SPAG16: variants seen among roughly 807,000 people sequenced by gnomAD.
SPAG16 encodes the protein sperm associated antigen 16, also known as sperm-associated antigen 16 protein.
SPAG16 carries 86 observed loss-of-function variants against 80.4 expected under a neutral mutation model. The ratio of observed to expected loss-of-function variants is 1.07; its 90% CI spans 0.90 to 1.28. The LOEUF is 1.28. Among genes scored for constraint, SPAG16 ranks in the 50% most tolerant of loss-of-function variants. SPAG16 has a pLI of 0.00. For missense variants in SPAG16, 870 were observed against 765.3 expected (o/e 1.14, Z -1.61); for synonymous variants, 294 against 265.9 (o/e 1.11, Z -1.03).
At chr2:213,285,558 A>G (rs1380320394) in intron 1 of SPAG16, among the ~76,000 whole-genome samples, 1 of 152,246 alleles carries the variant, frequency 6.6e-6, no homozygotes, top group Non-Finnish European at 1.5e-5. Flanking sequence ...TCCAGGTTTA[A>G]TTCAAGATTT....
At chr2:213,785,702 A>G (rs907090917) in intron 10 of SPAG16, among the ~76,000 whole-genome samples, 5 of 152,174 alleles carry the variant, frequency 3.3e-5, no homozygotes, top group Admixed American at 6.6e-5. Context: ...TAAGAACTTT[A>G]TATCTATATT....
At chr2:214,372,818 T>C (rs978038215) in intron 15 of SPAG16, among the ~76,000 whole-genome samples, 5 of 152,238 alleles carry the variant, frequency 3.3e-5, no homozygotes, top group African/African-American at 9.6e-5. Context: ...CTGCTATCAC[T>C]GTTCACTTCC....
chr2:214,367,003 CT>C lies in SPAG16; in HGVS notation c.1721-43136del, dbSNP rs533108770. Among the ~76,000 whole-genome samples, 37 of 152,244 alleles carry C rather than the reference CT, an allele frequency of 2.4e-4. No homozygotes were observed. The East Asian group carries it at 6.6e-3, about 27-fold the overall frequency. On this transcript the variant is annotated intron_variant, in intron 15 of 15. Transcript: ENST00000331683. ...GTAAGGAAGGAGAGAGCTATATCTA[CT>C]ATTGCTCTTGGCCTCTCTCCAACTG...
At chr2:214,360,114 G>T (rs1370274819) in intron 15 of SPAG16, among the ~76,000 whole-genome samples, 1 of 151,746 alleles carries the variant, frequency 6.6e-6, no homozygotes, top group East Asian at 1.9e-4. Context: ...GTAATATTCT[G>T]GACAGGATAT....
At chr2:213,929,631 A>G (rs961944578) in intron 11 of SPAG16, among the ~76,000 whole-genome samples, 5 of 94,034 alleles carry the variant, frequency 5.3e-5, no homozygotes, top group Admixed American at 2.2e-4. Flanking sequence ...AAGCCCGATC[A>G]TCCAGAGCCT....
At chr2:214,328,958 T>G (rs1245786996) in intron 15 of SPAG16, among the ~76,000 whole-genome samples, 2 of 152,184 alleles carry the variant, frequency 1.3e-5, no homozygotes, top group Non-Finnish European at 2.9e-5. Context: ...CTAGCCTAAA[T>G]TTTTCATTAT....
At chr2:213,688,480 G>T (rs2064791890) in intron 10 of SPAG16, among the ~76,000 whole-genome samples, 1 of 152,166 alleles carries the variant, frequency 6.6e-6, no homozygotes. Context: ...TTCTTTGTCA[G>T]GTAATGTTAC....
At chr2:213,374,551 T>G (rs144383393) in intron 8 of SPAG16, among the ~76,000 whole-genome samples, 1 of 152,072 alleles carries the variant, frequency 6.6e-6, no homozygotes. Flanking sequence ...ACAACTATTT[T>G]GAATATTACC....
intron 11 of SPAG16, among the ~76,000 whole-genome samples, chr2:213,872,190 G>A (rs1387706711): frequency 6.6e-6 from 1 of 152,072 alleles, no homozygotes; most frequent in Non-Finnish European, 1.5e-5. Flanking sequence ...AAGGCAGAAT[G>A]GTCAGAGTAA....
At chr2:214,046,562 A>G (rs1015154706) in intron 13 of SPAG16, among the ~76,000 whole-genome samples, 4 of 152,222 alleles carry the variant, frequency 2.6e-5, no homozygotes, top group Admixed American at 6.5e-5. Context: ...AAATCAATCA[A>G]TGTGATACAT....
intron 15 of SPAG16, among the ~76,000 whole-genome samples, chr2:214,168,148 C>A (rs191221385): frequency 3.3e-5 from 5 of 151,772 alleles, no homozygotes; most frequent in African/African-American, 1.2e-4. Flanking sequence ...CACCACCACA[C>A]CCAGCTAATT....
intron 15 of SPAG16, among the ~76,000 whole-genome samples, chr2:214,155,337 T>A (rs1273142988): frequency 1.3e-5 from 2 of 152,184 alleles, no homozygotes; most frequent in Non-Finnish European, 2.9e-5. Flanking sequence ...AGACAGCAGG[T>A]TGGCAAACTA....
At chr2:213,480,196 A>G (rs1428301659) in intron 9 of SPAG16, among the ~76,000 whole-genome samples, 5 of 152,188 alleles carry the variant, frequency 3.3e-5, no homozygotes, top group Non-Finnish European at 5.9e-5. Flanking sequence ...TTGCCAACCC[A>G]CACAAAGATA....
intron 6 of SPAG16, among the ~76,000 whole-genome samples, chr2:213,344,522 C>T (rs1029726074): frequency 1.3e-5 from 2 of 152,100 alleles, no homozygotes; most frequent in African/African-American, 4.8e-5. Context: ...AATGCTATCC[C>T]TCTCCACTTC....
At chr2:214,179,664 A>T (rs1358827201) in intron 15 of SPAG16, among the ~76,000 whole-genome samples, 1 of 151,462 alleles carries the variant, frequency 6.6e-6, no homozygotes, top group African/African-American at 2.4e-5. Flanking sequence ...CTCTCAATAG[A>T]ATAGATATGA....
chr2:213,932,191 TATATATA>T lies in SPAG16; in HGVS notation c.1400+2047_1400+2053del, dbSNP rs1559602655. ...ATATATATATATATATATATATATATATATATATTTGTTGTTGTTGTTGTTGTTGTTG... is the reference window on the plus strand; with the variant it reads ...ATATATATATATATATATATATATATTTTGTTGTTGTTGTTGTTGTTGTTG... On this transcript the variant is annotated intron_variant, in intron 12 of 15. Transcript: ENST00000331683. Among the ~76,000 whole-genome samples the T allele has an allele frequency of 1.5e-3, 167 of 111,018 alleles. 2 individuals are homozygous for T. Among genetic ancestry groups the T allele is most frequent in the African/African-American group, 5.5e-3 (160 of 29,296 alleles). The allele number at this position is 111,018 out of a possible 152,430, so 72.8% of individuals were successfully genotyped here.
At chr2:214,251,605 T>C (rs968302836) in intron 15 of SPAG16, among the ~76,000 whole-genome samples, 1 of 152,156 alleles carries the variant, frequency 6.6e-6, no homozygotes, top group Non-Finnish European at 1.5e-5. Context: ...ATTTCATGTT[T>C]TGTGAGTAAG....
At chr2:213,590,530 C>G (rs566468778) in intron 10 of SPAG16, among the ~76,000 whole-genome samples, 63 of 151,894 alleles carry the variant, frequency 4.1e-4, no homozygotes, top group Non-Finnish European at 6.6e-4. Context: ...TATAACCAGC[C>G]AAGGAACTTA....
chr2:213,736,429 A>C (rs985899723), intron 10 of SPAG16, among the ~76,000 whole-genome samples: 1 of 151,878 alleles, frequency 6.6e-6, no homozygotes, highest in Admixed American at 6.6e-5. Context: ...CTGGCATTAC[A>C]TGCACCCACC....
Sources: allele counts gnomAD v4.1 joint callset (sites outside exome capture counted in the v4.1 genomes callset), GRCh38; gene constraint gnomAD v4.1.1; transcripts MANE v1.5; gene names NCBI Gene and HGNC (gene_info 2026-07-23, HGNC 2026-07-21).